THRB: variants seen among roughly 807,000 people sequenced by gnomAD.
THRB encodes the protein thyroid hormone receptor beta, also known as nuclear receptor subfamily 1 group A member 2.
In THRB, 12 loss-of-function variants were observed where a neutral mutation model predicts 47.8. That is an observed-to-expected ratio of 0.25 (90% CI 0.16 to 0.41). The LOEUF (loss-of-function observed/expected upper bound fraction) is 0.41. Ranked by LOEUF, THRB falls within the 10% of genes least tolerant of loss-of-function variation. The probability of loss-of-function intolerance (pLI) is 1.00; values close to 1 mark genes in which losing one functional copy is unlikely to be tolerated. For missense variants in THRB, 348 were observed against 589.2 expected (o/e 0.59, Z 4.24); for synonymous variants, 218 against 212.2 (o/e 1.03, Z -0.24).
At chr3:24,364,234 C>T (rs1393949396) in intron 1 of THRB, among the ~76,000 whole-genome samples, 1 of 152,040 alleles carries the variant, frequency 6.6e-6, no homozygotes, top group African/African-American at 2.4e-5. Context: ...GGAGCATGAG[C>T]AAAATGTAAA....
chr3:24,387,268 A>C (rs1450552948), intron 1 of THRB, among the ~76,000 whole-genome samples: 1 of 152,070 alleles, frequency 6.6e-6, no homozygotes, highest in Admixed American at 6.6e-5. Flanking sequence ...ATGTCTTCCA[A>C]ATCTACAATC....
At chr3:24,327,350 T>G (rs2061662594) in intron 2 of THRB, among the ~76,000 whole-genome samples, 2 of 152,168 alleles carry the variant, frequency 1.3e-5, no homozygotes, top group South Asian at 4.1e-4. Context: ...ATCAAAGAGT[T>G]GCTGTAAGAG....
At chr3:24,400,526 A>C (rs1337551306) in intron 1 of THRB, among the ~76,000 whole-genome samples, 1 of 152,056 alleles carries the variant, frequency 6.6e-6, no homozygotes, top group Non-Finnish European at 1.5e-5. Context: ...AAAAACACTC[A>C]AAAAGAGTTC....
At chr3:24,450,468 A>C (rs1351111653) in intron 1 of THRB, among the ~76,000 whole-genome samples, 1 of 152,216 alleles carries the variant, frequency 6.6e-6, no homozygotes, top group East Asian at 1.9e-4. Context: ...CCATTTGTGC[A>C]TTTATGAACG....
chr3:24,421,449 G>A lies in THRB; in HGVS notation c.-261+73203C>T, dbSNP rs556092111. ...CTGGTGTAGGTGAAAAGAGATTAAA[G>A]CAGGAAAAAGTACTAACCCAGGGCC... On this transcript the variant is annotated intron_variant, in intron 1 of 10. Coordinates refer to ENST00000646209, the MANE Select transcript of THRB (RefSeq NM_001354712.2). Among the ~76,000 whole-genome samples the A allele has an allele frequency of 4.0e-4, 61 of 151,802 alleles. 2 individuals are homozygous for A. Among genetic ancestry groups the A allele is most frequent in the South Asian group, 1.0e-3 (5 of 4,808 alleles).
At chr3:24,172,695 T>C (rs145463168) in intron 5 of THRB, among the ~76,000 whole-genome samples, 63 of 152,218 alleles carry the variant, frequency 4.1e-4, no homozygotes, top group African/African-American at 1.5e-3. Flanking sequence ...GATTAGAACA[T>C]TGAAGCAGGA....
intron 5 of THRB, among the ~76,000 whole-genome samples, chr3:24,189,520 G>GTT (rs34737237): frequency 5.9e-5 from 9 of 151,880 alleles, no homozygotes; most frequent in South Asian, 2.1e-4. Flanking sequence ...CCAGTTTAAT[G>GTT]TTTTTTTTGC....
At chr3:24,342,334 T>A (rs2062722217) in intron 1 of THRB, among the ~76,000 whole-genome samples, 1 of 152,106 alleles carries the variant, frequency 6.6e-6, no homozygotes, top group Non-Finnish European at 1.5e-5. Flanking sequence ...GGAAAAGATG[T>A]GAAGTCGAAC....
At chr3:24,299,746 G>C (rs1013684524) in intron 2 of THRB, among the ~76,000 whole-genome samples, 1 of 142,382 alleles carries the variant, frequency 7.0e-6, no homozygotes, top group African/African-American at 2.7e-5. Context: ...AGGAAGCCTT[G>C]AGGCTTCTGG....
intron 3 of THRB, among the ~76,000 whole-genome samples, chr3:24,267,430 G>C (rs1193446741): frequency 1.3e-5 from 2 of 151,454 alleles, no homozygotes; most frequent in African/African-American, 4.8e-5. Context: ...AGGATAAAGA[G>C]TGATAAACAA....
intron 3 of THRB, among the ~76,000 whole-genome samples, chr3:24,281,931 A>G (rs553091191): frequency 1.8e-4 from 27 of 149,848 alleles, no homozygotes; most frequent in African/African-American, 6.2e-4. Flanking sequence ...CCAGATTCAT[A>G]AAGCAAGTCC....
intron 2 of THRB, among the ~76,000 whole-genome samples, chr3:24,330,907 T>A (rs1015601614): frequency 6.6e-6 from 1 of 152,210 alleles, no homozygotes; most frequent in Non-Finnish European, 1.5e-5. Context: ...AAGCTAAGGG[T>A]GTCAAACACA....
At chr3:24,442,970 C>A (rs979304757) in intron 1 of THRB, among the ~76,000 whole-genome samples, 22 of 139,456 alleles carry the variant, frequency 1.6e-4, no homozygotes, top group African/African-American at 5.4e-4. Context: ...ATCACTAGGT[C>A]AGGAGATCGA....
chr3:24,256,908 C>T (rs2051345848), intron 3 of THRB, among the ~76,000 whole-genome samples: 1 of 152,124 alleles, frequency 6.6e-6, no homozygotes, highest in Admixed American at 6.5e-5. Context: ...ATGTTGATGG[C>T]CCATTTGAAG....
chr3:24,358,287 A>G (rs961819111), intron 1 of THRB, among the ~76,000 whole-genome samples: 3 of 152,166 alleles, frequency 2.0e-5, no homozygotes, highest in African/African-American at 7.2e-5. Context: ...TAAATGTTAT[A>G]TAGCCAAACA....
chr3:24,139,337 C>A (rs1403330527), intron 8 of THRB, among the ~76,000 whole-genome samples: 2 of 151,990 alleles, frequency 1.3e-5, no homozygotes, highest in African/African-American at 4.8e-5. Context: ...AAATCCAGAT[C>A]AAATCACTGT....
At chr3:24,440,942 C>T (rs2071465120) in intron 1 of THRB, among the ~76,000 whole-genome samples, 1 of 152,140 alleles carries the variant, frequency 6.6e-6, no homozygotes, top group Non-Finnish European at 1.5e-5. Context: ...GGAGTCCAGG[C>T]TCAAGTTAGT....
intron 4 of THRB, among the ~76,000 whole-genome samples, chr3:24,227,078 A>G (rs573334061): frequency 6.6e-6 from 1 of 152,146 alleles, no homozygotes; most frequent in Admixed American, 6.5e-5. Context: ...CTTTTACACC[A>G]TGTTTTGCCA....
At chr3:24,243,069 A>G (rs1011303503) in intron 3 of THRB, among the ~76,000 whole-genome samples, 13 of 2,496 alleles carry the variant, frequency 5.2e-3, no homozygotes, top group Non-Finnish European at 5.8e-3. Context: ...CGCACCTTTG[A>G]AAAAAAAAAA....
Sources: allele counts gnomAD v4.1 joint callset (sites outside exome capture counted in the v4.1 genomes callset), GRCh38; gene constraint gnomAD v4.1.1; transcripts MANE v1.5; gene names NCBI Gene and HGNC (gene_info 2026-07-23, HGNC 2026-07-21).